Variants in MYPOP observed in about 807,000 individuals in gnomAD.
MYPOP encodes the protein Myb related transcription factor, partner of profilin, also known as myb-related transcription factor, partner of profilin.
A neutral mutation model predicts 25.7 loss-of-function variants in MYPOP; 21 were observed. The observed-to-expected ratio is 0.82, with a 90% CI of 0.58 to 1.18. The LOEUF (loss-of-function observed/expected upper bound fraction) is 1.18. MYPOP is among the 50% of genes most tolerant of loss of function. The pLI is 0.00. For synonymous variants in MYPOP, 280 were observed against 247.9 expected (o/e 1.13, Z -1.22); for missense variants, 566 against 588.3 (o/e 0.96, Z 0.39).
chr19:45,895,489 T>TC (rs773753969), intron 2 of MYPOP, among the ~76,000 whole-genome samples: 13 of 152,094 alleles, frequency 8.5e-5, no homozygotes, highest in Non-Finnish European at 1.5e-4. Context: ...CTTCTTTTTT[T>TC]CTCCCCTAAC....
rs1412838791 is a variant in MYPOP at position 45,898,317 on chromosome 19, G to A, written c.499+2958C>T. Among the ~76,000 whole-genome samples, 3 of 151,198 alleles carry A rather than the reference G, an allele frequency of 2.0e-5. No homozygotes were observed. The East Asian group carries it at 5.9e-4, about 30-fold the overall frequency. Reference sequence around the variant, plus strand: ...GAGCCACCATGCCAGGCCTGTGTATGGTTCTTTTTTTTGTTTTTTTTTGAG... The same window carrying A: ...GAGCCACCATGCCAGGCCTGTGTATAGTTCTTTTTTTTGTTTTTTTTTGAG... On this transcript the variant is annotated intron_variant, in intron 2 of 2. Transcript: ENST00000322217.
rs772502016 is a variant in MYPOP at position 45,890,928 on chromosome 19, G to C, written c.895C>G (p.Pro299Ala). ...GGCAGGGAGTCAACTGGGGTTCCTG[G>C]CAGAAGGGGCAGCAGAGCGCTGAGG... Reference protein sequence around the residue: ...EALSALLPLLPGTPVDSLPPP... With the variant: ...EALSALLPLLAGTPVDSLPPP... The change falls in exon 3 of 3, where the codon CCA (proline) becomes GCA (alanine). Residue 299 changes from proline (P) to alanine (A), a missense_variant. Transcript: ENST00000322217. 15 of 1,449,458 alleles carry C rather than the reference G, an allele frequency of 1.0e-5. 1 individual carries two copies. Among genetic ancestry groups the C allele is most frequent in the Middle Eastern group, 2.2e-4 (1 of 4,636 alleles). The allele number at this position is 1,449,458 out of a possible 1,614,324, so 89.8% of individuals were successfully genotyped here. A position where few individuals can be genotyped will look rare whatever the true frequency, so the allele number is the denominator to read the frequency against.
rs764855498 is a variant in MYPOP at position 45,891,248 on chromosome 19, C to A, written c.575G>T (p.Gly192Val). 1.3e-6 allele frequency: 2 copies of A among 1,550,182 alleles called. No individual in the cohort carries two copies. The highest frequency in any genetic ancestry group is 4.6e-5 in the East Asian group (2 of 43,282). Residue 192 changes from glycine (G) to valine (V), a missense_variant, in exon 3 of 3, where the codon GGG becomes GTG. Coordinates refer to ENST00000322217, the MANE Select transcript of MYPOP (RefSeq NM_001012643.4). ...ACGCTCCTTGGGCCGTGGGCAGCCC[C>A]CTTCCTGGGGAGTGCAGGAGGGCCG... is the stretch of plus-strand genomic sequence containing the variant. ...WARPSCTPQEGGCPRPKERES... is the reference protein window; with the variant it reads ...WARPSCTPQEVGCPRPKERES...
In MYPOP at chr19:45,891,305, T is replaced by A. The variant is rs1432920150; in HGVS notation, c.518A>T (p.Lys173Met). The change falls in exon 3 of 3, where the codon AAG becomes ATG. Residue 173 changes from lysine (K) to methionine (M), a missense_variant. Physicochemically the swap from Lys to Met is moderately conservative, Grantham distance 95. Coordinates refer to ENST00000322217, the MANE Select transcript of MYPOP (RefSeq NM_001012643.4). ...TGGCTCCGGGCTGCTGGAGCCCGCCTTGCTGTGGGCTGATGTATCTGTAGA... is the reference window on the plus strand; with the variant it reads ...TGGCTCCGGGCTGCTGGAGCCCGCCATGCTGTGGGCTGATGTATCTGTAGA... ...DRRADTSAHS[K>M]AGSSSPEPWA... 5 of 1,532,450 alleles carry A rather than the reference T, an allele frequency of 3.3e-6. No homozygotes were observed. The South Asian group carries it at 6.2e-5, about 19-fold the overall frequency. The allele number at this position is 1,532,450 out of a possible 1,614,324, so 94.9% of individuals were successfully genotyped here.
At chr19:45,900,040 A>G (rs1967264662) in intron 2 of MYPOP, among the ~76,000 whole-genome samples, 1 of 152,186 alleles carries the variant, frequency 6.6e-6, no homozygotes, top group Admixed American at 6.5e-5. Context: ...TGACTCTGTC[A>G]CTTACTTGCT....
At chr19:45,891,714 A>G (rs1259073246) in intron 2 of MYPOP, among the ~76,000 whole-genome samples, 1 of 152,110 alleles carries the variant, frequency 6.6e-6, no homozygotes, top group Non-Finnish European at 1.5e-5. Flanking sequence ...CTGGGATTCC[A>G]GGTGTGAGCC....
chr19:45,901,492 C>T lies in MYPOP; in HGVS notation c.282G>A (p.Val94=), dbSNP rs1967292890. The change falls in exon 2 of 3, where the codon GTG becomes GTA. Residue 94 remains valine (V), a synonymous_variant. Coordinates refer to ENST00000322217, the MANE Select transcript of MYPOP (RefSeq NM_001012643.4). The surrounding 1 kb of genome is among the most constrained non-coding windows in gnomAD (Gnocchi z 5.7). The part of the protein sequence containing the change: ...KRRTKEKLAR[V]PHSTQGAGPA... ...GCCCGGCGCCCTGCGTGGAGTGCGG[C>T]ACGCGAGCGAGCTTCTCCTTGGTGC... 2 of 1,609,500 alleles carry T rather than the reference C, an allele frequency of 1.2e-6. No homozygotes were observed. The highest frequency in any genetic ancestry group is 1.7e-5 in the Admixed American group (1 of 59,782).
chr19:45,899,452 C>T (rs1012140298), intron 2 of MYPOP, among the ~76,000 whole-genome samples: 2 of 152,162 alleles, frequency 1.3e-5, no homozygotes, highest in South Asian at 2.1e-4. Context: ...CAGATGGAAA[C>T]ACTGAGGTTT....
rs754803453 is a variant in MYPOP at position 45,890,867 on chromosome 19, G to A, written c.956C>T (p.Pro319Leu). ...PLPPPPPPPPPPRPVLPPPAP... is the reference protein window; with the variant it reads ...PLPPPPPPPPLPRPVLPPPAP... ...CGGTGGGGGCAGGACAGGCCTGGGAGGTGGCGGTGGGGGTGGGGGTGGGGG... is the reference window on the plus strand; with the variant it reads ...CGGTGGGGGCAGGACAGGCCTGGGAAGTGGCGGTGGGGGTGGGGGTGGGGG... The change falls in exon 3 of 3, where the codon CCT (proline) becomes CTT (leucine). Residue 319 changes from proline to leucine, a missense_variant. Pro to Leu is a moderately conservative substitution (Grantham distance 98). Coordinates refer to ENST00000322217, the MANE Select transcript of MYPOP (RefSeq NM_001012643.4). The A allele has an allele frequency of 1.9e-4, 276 of 1,427,362 alleles. 2 individuals carry two copies. In the East Asian group the frequency reaches 7.0e-3, roughly 36 times the overall value. 88.4% of individuals were successfully genotyped at this position (1,427,362 alleles called of 1,614,324 possible). A position where few individuals can be genotyped will look rare whatever the true frequency, so the allele number is the denominator to read the frequency against.
At chr19:45,899,157 C>T (rs1025984901) in intron 2 of MYPOP, among the ~76,000 whole-genome samples, 7 of 152,150 alleles carry the variant, frequency 4.6e-5, no homozygotes, top group South Asian at 2.1e-4. Context: ...ACCTGGGAGG[C>T]GGAGGTTGCG....
chr19:45,893,165 C>G (rs1967149739), intron 2 of MYPOP, among the ~76,000 whole-genome samples: 2 of 152,182 alleles, frequency 1.3e-5, no homozygotes, highest in Non-Finnish European at 2.9e-5. Context: ...ATCCCAGCTA[C>G]TGGGGAGGCT....
At chr19:45,902,261 GAGGCGCTCT>G (rs1327136401) in intron 1 of MYPOP, among the ~76,000 whole-genome samples, 2 of 150,464 alleles carry the variant, frequency 1.3e-5, no homozygotes, top group African/African-American at 4.9e-5. Flanking sequence ...TGGAGCAGAG[GAGGCGCTCT>G]AGGGGCTCTA....
At chr19:45,897,678 C>T (rs112522243) in intron 2 of MYPOP, among the ~76,000 whole-genome samples, 1,674 of 151,844 alleles carry the variant, frequency 0.011, 16 homozygotes, top group Middle Eastern at 0.024. Flanking sequence ...GCCTCAACCT[C>T]ATGTGTAGCT....
intron 2 of MYPOP, among the ~76,000 whole-genome samples, chr19:45,897,067 C>T (rs906803981): frequency 6.9e-6 from 1 of 145,334 alleles, no homozygotes; most frequent in African/African-American, 2.7e-5. Flanking sequence ...GAGTCCATGG[C>T]CTTTTTTTTT....
In MYPOP at chr19:45,901,364, G is replaced by C. The variant is rs371516350; in HGVS notation, c.410C>G (p.Pro137Arg). The change falls in exon 2 of 3, where the codon CCT (proline) becomes CGT (arginine). Residue 137 changes from proline to arginine, a missense_variant. Coordinates refer to ENST00000322217, the MANE Select transcript of MYPOP (RefSeq NM_001012643.4). The surrounding 1 kb of genome is among the most constrained non-coding windows in gnomAD (Gnocchi z 5.7). ...PGAGAGAEEP[P>R]AAPSSQPPPP... ...CGGCGGCTGTGAAGAGGGGGCCGCAGGGGGCTCCTCCGCCCCAGCACCTGC... is the reference window on the plus strand; with the variant it reads ...CGGCGGCTGTGAAGAGGGGGCCGCACGGGGCTCCTCCGCCCCAGCACCTGC... The C allele has an allele frequency of 2.8e-4, 411 of 1,471,606 alleles. 3 individuals carry two copies. The African/African-American group carries it at 5.3e-3, about 19-fold the overall frequency. The allele number at this position is 1,471,606 out of a possible 1,614,324, so 91.2% of individuals were successfully genotyped here. A position where few individuals can be genotyped will look rare whatever the true frequency, so the allele number is the denominator to read the frequency against.
At chr19:45,899,016 C>T (rs980285400) in intron 2 of MYPOP, among the ~76,000 whole-genome samples, 4 of 152,040 alleles carry the variant, frequency 2.6e-5, no homozygotes, top group Admixed American at 1.3e-4. Flanking sequence ...CACCTGAGGT[C>T]GGGAGTTCGA....
intron 2 of MYPOP, among the ~76,000 whole-genome samples, chr19:45,899,225 T>TCAAA (rs942184058): frequency 2.1e-4 from 32 of 152,174 alleles, no homozygotes; most frequent in Admixed American, 1.0e-3. Flanking sequence ...AAACTCAGTC[T>TCAAA]CAAACAAACA....
At chr19:45,898,514 G>T (rs569983787) in intron 2 of MYPOP, among the ~76,000 whole-genome samples, 3 of 151,958 alleles carry the variant, frequency 2.0e-5, no homozygotes, top group Non-Finnish European at 4.4e-5. Flanking sequence ...GTAGAGACGG[G>T]GTTTCTCCAT....
intron 2 of MYPOP, among the ~76,000 whole-genome samples, chr19:45,894,401 C>T (rs113280663): frequency 0.16 from 24,827 of 151,886 alleles, 2,191 homozygotes; most frequent in South Asian, 0.27. Flanking sequence ...GCGTGAGCCA[C>T]CGTGCCTGGC....
Sources: allele counts gnomAD v4.1 joint callset (sites outside exome capture counted in the v4.1 genomes callset), GRCh38; gene constraint gnomAD v4.1.1; non-coding constraint Gnocchi (gnomAD v3.1); transcripts MANE v1.5; gene names NCBI Gene and HGNC (gene_info 2026-07-23, HGNC 2026-07-21).